DYSF: variants seen among roughly 807,000 people sequenced by gnomAD.
The protein encoded by DYSF is dysferlin.
In DYSF, 212 loss-of-function variants were observed where a neutral mutation model predicts 274.9. The observed-to-expected ratio is 0.77, with a 90% confidence interval of 0.69 to 0.86. DYSF has a LOEUF of 0.86. DYSF is among the 40% of genes least tolerant of loss of function. DYSF has a pLI of 0.00. For missense variants in DYSF, 2,666 were observed against 2,783.2 expected, an observed-to-expected ratio of 0.96 and a Z score of 0.95; for synonymous variants, 1,091 against 1,078.7, an observed-to-expected ratio of 1.01 and a Z score of -0.22.
At chr2:71,495,495 T>G (rs1573511970) in intron 3 of DYSF, among the ~76,000 whole-genome samples, 2 of 152,298 alleles carry the variant, frequency 1.3e-5, no homozygotes. Context: ...ACTGGGTTGG[T>G]GAGTGTGACA....
intron 55 of DYSF, among the ~76,000 whole-genome samples, chr2:71,684,245 A>G (rs2095329410): frequency 6.6e-6 from 1 of 152,242 alleles, no homozygotes; most frequent in Admixed American, 6.5e-5. Context: ...GCTGAGATAC[A>G]GGACTGTGGA....
chr2:71,572,707 T>C (rs1254397594), intron 29 of DYSF, among the ~76,000 whole-genome samples: 1 of 152,184 alleles, frequency 6.6e-6, no homozygotes, highest in Admixed American at 6.5e-5. Flanking sequence ...TTGGGGTTGC[T>C]GGGGTGAGCT....
In DYSF at chr2:71,598,549, C is replaced by T. The variant is rs1301742229; in HGVS notation, c.3575-15C>T. The stretch of plus-strand genomic sequence containing the variant: ...GCTGTGTCCTGTCTCCCCTCCCCCT[C>T]TCCGGCCCATGCAGATCCCTATGCC... On this transcript the variant is annotated splice_polypyrimidine_tract_variant and intron_variant, in intron 32 of 55. Transcript: ENST00000410020. The T allele has an allele frequency of 1.2e-6, 2 of 1,614,190 alleles. No individual in the cohort carries two copies. The highest frequency in any genetic ancestry group is 2.2e-5 in the East Asian group (1 of 44,880).
intron 16 of DYSF, among the ~76,000 whole-genome samples, chr2:71,537,218 GTTTTGTTTTTT>G (rs1324404227): frequency 1.3e-4 from 6 of 47,712 alleles, no homozygotes; most frequent in Admixed American, 2.7e-4. Flanking sequence ...TTACTTTCTA[GTTTTGTTTTTT>G]TTTTTTTTTT....
intron 41 of DYSF, among the ~76,000 whole-genome samples, chr2:71,639,427 T>C (rs1477385930): frequency 6.6e-6 from 1 of 152,222 alleles, no homozygotes; most frequent in Admixed American, 6.5e-5. Flanking sequence ...ATAAAACATG[T>C]ACAATTTTAC....
intron 23 of DYSF, among the ~76,000 whole-genome samples, chr2:71,562,913 G>A (rs1221933204): frequency 6.6e-6 from 1 of 152,154 alleles, no homozygotes; most frequent in African/African-American, 2.4e-5. Flanking sequence ...AGACTGACCC[G>A]TGAACTGTAA....
At chr2:71,484,848 A>T (rs2083240492) in intron 3 of DYSF, among the ~76,000 whole-genome samples, 1 of 152,212 alleles carries the variant, frequency 6.6e-6, no homozygotes. Flanking sequence ...GGCCACACGC[A>T]GGCTGTTCTG....
At chr2:71,534,981 A>C in intron 14 of DYSF, 40 bp from the exon 15 acceptor site, 1 of 1,610,324 alleles carries the variant, frequency 6.2e-7, no homozygotes, top group South Asian at 1.1e-5. Context: ...CAGAGTCCCC[A>C]TGGAGCTTGA....
chr2:71,494,471 G>T (rs2084180680), intron 3 of DYSF, among the ~76,000 whole-genome samples: 1 of 152,196 alleles, frequency 6.6e-6, no homozygotes, highest in Admixed American at 6.5e-5. Flanking sequence ...TGCTTCTCAA[G>T]AAGATGTCCC....
chr2:71,685,096 G>A (rs912086869), intron 55 of DYSF, among the ~76,000 whole-genome samples: 9 of 152,214 alleles, frequency 5.9e-5, no homozygotes, highest in African/African-American at 2.2e-4. Context: ...CCAGGGGCCT[G>A]GGGAAGGAGG....
chr2:71,562,160 C>G (rs1438179076), intron 23 of DYSF, among the ~76,000 whole-genome samples: 1 of 152,208 alleles, frequency 6.6e-6, no homozygotes, highest in South Asian at 2.1e-4. Flanking sequence ...TGGGGCCCAG[C>G]ACAGAGCCTG....
At chr2:71,506,235 C>T (rs1045110289) in intron 4 of DYSF, among the ~76,000 whole-genome samples, 2 of 152,100 alleles carry the variant, frequency 1.3e-5, no homozygotes, top group Non-Finnish European at 2.9e-5. Flanking sequence ...GGCGAAGGAC[C>T]CCAGAGCCTG....
At position 71,575,830 on chromosome 2, in the gene DYSF, A is replaced by G. The variant is rs1450386093; in HGVS notation, c.3402+1459A>G. On this transcript the variant is annotated intron_variant, in intron 30 of 55. Transcript: ENST00000410020. ...GAAGAACCCGAGAGGTGAAGCAGGCATTAGGCCTGGCAGGAAACAGGTTCA... is the reference window on the plus strand; with the variant it reads ...GAAGAACCCGAGAGGTGAAGCAGGCGTTAGGCCTGGCAGGAAACAGGTTCA... Among the ~76,000 whole-genome samples, 4 of 142,034 alleles carry G rather than the reference A, an allele frequency of 2.8e-5. No homozygotes were observed. In the East Asian group the frequency reaches 9.0e-4, roughly 32 times the overall value. The allele number at this position is 142,034 out of a possible 152,430, so 93.2% of individuals were successfully genotyped here. A position where few individuals can be genotyped will look rare whatever the true frequency, so the allele number is the denominator to read the frequency against.
rs2095034360 is a variant in DYSF, at chr2:71,667,397, C to T, written c.5339C>T (p.Pro1780Leu). ...EEIEAGRIPN[P>L]HLGPVEERLA... ...GCAGAGGCTGGCAGGATCCCAAACC[C>T]ACACCTGGGCCCAGTGGAGGAGCGT... Residue 1780 changes from proline (P) to leucine (L), a missense_variant, in exon 48 of 56, where the codon CCA becomes CTA. Around this residue, in one of 3 missense-constraint regions of DYSF, gnomAD observed 1,460 missense variants for 1,502.1 expected, o/e 0.97. Coordinates refer to ENST00000410020, the MANE Select transcript of DYSF (RefSeq NM_001130987.2). 6.2e-7 allele frequency: 1 copy of T among 1,614,134 alleles called. No individual in the cohort carries two copies. The highest frequency in any genetic ancestry group is 1.7e-5 in the Admixed American group (1 of 60,020).
At chr2:71,453,829 G>T (rs955533860) in exon 1 of DYSF, 2 of 706,646 alleles carry the variant, frequency 2.8e-6, no homozygotes, top group Non-Finnish European at 5.0e-6. Context: ...GCCGGGGGTG[G>T]CCCGTTCCCC....
At chr2:71,660,867 C>G (rs556016605) in intron 45 of DYSF, among the ~76,000 whole-genome samples, 2 of 152,074 alleles carry the variant, frequency 1.3e-5, no homozygotes, top group Non-Finnish European at 2.9e-5. Context: ...AAATGCTAAA[C>G]AATTACGTCT....
At chr2:71,453,945 C>T in exon 1 of DYSF, 1 of 1,592,352 alleles carries the variant, frequency 6.3e-7, no homozygotes, top group Non-Finnish European at 8.6e-7. Context: ...GCCCTCCCGA[C>T]CTTTCCGAGC....
intron 16 of DYSF, among the ~76,000 whole-genome samples, chr2:71,535,823 G>C (rs928280193): frequency 6.6e-6 from 1 of 152,176 alleles, no homozygotes; most frequent in Non-Finnish European, 1.5e-5. Context: ...AGCAGCTCAC[G>C]GGCGTCTTAG....
rs398123790 is a variant in DYSF at position 71,664,275 on chromosome 2, G to A, written c.5011G>A (p.Glu1671Lys). The A allele has an allele frequency of 2.5e-6, 4 of 1,613,940 alleles. No individual in the cohort carries two copies. Among genetic ancestry groups the A allele is most frequent in the Admixed American group, 1.7e-5 (1 of 59,998 alleles). Residue 1671 changes from glutamate to lysine, a missense_variant, in exon 46 of 56, where the codon GAG becomes AAG. Coordinates refer to ENST00000410020, the MANE Select transcript of DYSF (RefSeq NM_001130987.2). Reference protein sequence around the residue: ...TLEPVFGKMFELTCTLPLEKD... With the variant: ...TLEPVFGKMFKLTCTLPLEKD... ...AATCTGCCCCTCCTGCAGGATGTTC[G>A]AGCTGACCTGCACTCTGCCTCTGGA...
Sources: allele counts gnomAD v4.1 joint callset (sites outside exome capture counted in the v4.1 genomes callset), GRCh38; gene constraint gnomAD v4.1.1; regional missense constraint gnomAD v4.1.1; transcripts MANE v1.5; gene names NCBI Gene and HGNC (gene_info 2026-07-23, HGNC 2026-07-21).